Variants in INTS4 observed in about 807,000 individuals in gnomAD.
INTS4 encodes the protein MSTP093.
A neutral mutation model predicts 119.5 loss-of-function variants in INTS4; 70 were observed. The ratio of observed to expected loss-of-function variants is 0.59; its 90% CI spans 0.48 to 0.71. INTS4 has a LOEUF of 0.71. Among genes scored for constraint, INTS4 ranks in the 30% least tolerant of loss-of-function variants. The pLI is 0.00. For missense variants in INTS4, 867 were observed against 1,173.2 expected, an observed-to-expected ratio of 0.74 and a Z score of 3.81; for synonymous variants, 316 against 419.6, an observed-to-expected ratio of 0.75 and a Z score of 3.02.
At chr11:77,926,189 G>GA (rs34355448) in intron 11 of INTS4, among the ~76,000 whole-genome samples, 55,630 of 148,380 alleles carry the variant, frequency 0.37, 10,364 homozygotes, top group Non-Finnish European at 0.39. Flanking sequence ...GACATAGCAG[G>GA]AAAAAAAAAA....
At position 77,957,129 on chromosome 11, in the gene INTS4, C is replaced by T. The variant is rs190189562; in HGVS notation, c.798-1067G>A. ...TTTTATATTTTTAGTAGAGATGGTT[C>T]ACCATGTTGCCCAGGCTGATCTCAA... On this transcript the variant is annotated intron_variant, in intron 7 of 22. Coordinates refer to ENST00000534064, the MANE Select transcript of INTS4 (RefSeq NM_033547.4). Among the ~76,000 whole-genome samples the T allele has an allele frequency of 1.3e-3, 205 of 152,134 alleles. 1 individual carries two copies. The highest frequency in any genetic ancestry group is 3.3e-3 in the African/African-American group (137 of 41,510).
chr11:77,898,233 G>C (rs1396899842), intron 18 of INTS4, among the ~76,000 whole-genome samples: 2 of 152,018 alleles, frequency 1.3e-5, no homozygotes, highest in African/African-American at 4.8e-5. Context: ...GTGCGATCTC[G>C]GCTCACTGCA....
intron 3 of INTS4, among the ~76,000 whole-genome samples, chr11:77,980,253 C>T (rs1346096338): frequency 1.3e-5 from 2 of 152,174 alleles, no homozygotes; most frequent in African/African-American, 4.8e-5. Context: ...ACCCCACTCC[C>T]CACTGAACAC....
intron 11 of INTS4, 83 bp from the exon 12 acceptor site, chr11:77,924,975 C>T (rs1953460949): frequency 9.3e-7 from 1 of 1,077,608 alleles, no homozygotes; most frequent in African/African-American, 1.6e-5. Flanking sequence ...TCTACCCAGC[C>T]ACCTTCCCAT....
chr11:77,911,007 G>A (rs1402017854), intron 15 of INTS4: 40 of 1,288,982 alleles, frequency 3.1e-5, no homozygotes, highest in Non-Finnish European at 4.0e-5. Flanking sequence ...GTCTGTTTCA[G>A]GGCCGGCATA....
chr11:77,933,032 A>C (rs1165114949), intron 10 of INTS4, among the ~76,000 whole-genome samples: 2 of 151,962 alleles, frequency 1.3e-5, no homozygotes, highest in Non-Finnish European at 2.9e-5. Context: ...GGGTGCAGCA[A>C]ACCACCATGG....
chr11:77,933,981 G>T (rs1009970002), intron 10 of INTS4, among the ~76,000 whole-genome samples: 5 of 152,180 alleles, frequency 3.3e-5, no homozygotes, highest in African/African-American at 1.2e-4. Flanking sequence ...GGATGGAGGG[G>T]TCGGATTGTT....
intron 9 of INTS4, among the ~76,000 whole-genome samples, chr11:77,939,861 C>A (rs1299090936): frequency 1.0e-4 from 15 of 148,890 alleles, no homozygotes; most frequent in Admixed American, 3.4e-4. Context: ...AAAAAAAAAA[C>A]AAAACAAACA....
chr11:77,920,230 T>TAC (rs1555026410), intron 14 of INTS4, among the ~76,000 whole-genome samples: 1,439 of 37,648 alleles, frequency 0.038, 27 homozygotes, highest in African/African-American at 0.1. Context: ...CACATATACA[T>TAC]ACATATATAC....
At chr11:77,903,654 G>A (rs751219862) in intron 16 of INTS4, 34 bp from the exon 17 acceptor site, 16 of 1,560,146 alleles carry the variant, frequency 1.0e-5, no homozygotes, top group Admixed American at 1.7e-5. Context: ...ACAGAATACC[G>A]AGGTCACAAA....
At chr11:77,874,759 G>A (rs540633578), downstream of INTS4, among the ~76,000 whole-genome samples, 87 of 152,272 alleles carry the variant, frequency 5.7e-4, no homozygotes, top group South Asian at 3.9e-3. Context: ...GAAGTTGGCC[G>A]GGTGCGGTGG....
chr11:77,944,055 T>C (rs933963020), intron 8 of INTS4, among the ~76,000 whole-genome samples: 8 of 152,336 alleles, frequency 5.3e-5, no homozygotes, highest in Middle Eastern at 3.4e-3. Flanking sequence ...AATAGTCCCA[T>C]GAATCTCCTT....
Position 77,895,423 on chromosome 11 carries a change from G to A in INTS4, c.2229-1074C>T, listed in dbSNP as rs1173344115. ...CTTCATCATATATTTCCTAGCACAG[G>A]CAGCAGTCAATAAGTATTTGCTGAA... On this transcript the variant is annotated intron_variant, in intron 18 of 22. Transcript: ENST00000534064. 4.7e-5 allele frequency among the ~76,000 whole-genome samples: 7 copies of A among 149,194 alleles called. 1 individual carries two copies. The highest frequency in any genetic ancestry group is 7.4e-5 in the Non-Finnish European group (5 of 67,744).
At chr11:77,898,943 C>T (rs1952651560) in intron 18 of INTS4, among the ~76,000 whole-genome samples, 1 of 152,100 alleles carries the variant, frequency 6.6e-6, no homozygotes, top group African/African-American at 2.4e-5. Context: ...TTGCTTGGAC[C>T]CGGGAACCAG....
intron 21 of INTS4, among the ~76,000 whole-genome samples, chr11:77,889,469 C>T (rs561379932): frequency 2.5e-4 from 38 of 152,144 alleles, no homozygotes; most frequent in Non-Finnish European, 3.2e-4. Context: ...ATGGGTGCAG[C>T]ACACCAGCAT....
At chr11:77,879,836 C>G (rs991860238) in intron 22 of INTS4, among the ~76,000 whole-genome samples, 1 of 152,094 alleles carries the variant, frequency 6.6e-6, no homozygotes, top group Non-Finnish European at 1.5e-5. Flanking sequence ...AGGAGGAGCG[C>G]AGGAAGGCTT....
At chr11:77,989,400 C>A (rs1032137647) in intron 2 of INTS4, among the ~76,000 whole-genome samples, 1 of 151,654 alleles carries the variant, frequency 6.6e-6, no homozygotes, top group Non-Finnish European at 1.5e-5. Flanking sequence ...GGCAGGAGAA[C>A]TGCTTGAACC....
At chr11:77,943,209 AGAGG>A in intron 8 of INTS4, among the ~76,000 whole-genome samples, 1 of 152,320 alleles carries the variant, frequency 6.6e-6, no homozygotes, top group East Asian at 1.9e-4. Context: ...ACAGCAGCAC[AGAGG>A]GAGTGCTATG....
chr11:77,879,886 A>G (rs1951726579), intron 22 of INTS4, among the ~76,000 whole-genome samples: 4 of 152,162 alleles, frequency 2.6e-5, no homozygotes, highest in Non-Finnish European at 5.9e-5. Flanking sequence ...AGTTAACCCC[A>G]AGAGTTCTTA....
Sources: gnomAD v4.1 joint callset for allele counts (sites outside exome capture counted in the v4.1 genomes callset) on GRCh38, gnomAD v4.1.1 for gene constraint, MANE v1.5 for transcripts, NCBI Gene and HGNC (gene_info 2026-07-23, HGNC 2026-07-21) for gene names.